CHCHD3: variants seen among roughly 807,000 people sequenced by gnomAD.
CHCHD3 encodes the protein coiled-coil-helix-coiled-coil-helix domain containing 3.
Under a neutral mutation model 38.2 loss-of-function variants are expected in CHCHD3, and 20 were observed. The ratio of observed to expected loss-of-function variants is 0.52; its 90% CI spans 0.37 to 0.76. The LOEUF is 0.76. Ranked by LOEUF, CHCHD3 falls within the 30% of genes least tolerant of loss-of-function variation. The pLI is 0.00. For synonymous variants in CHCHD3, 82 were observed against 100.0 expected, an observed-to-expected ratio of 0.82 and a Z score of 1.07; for missense variants, 245 against 279.2, an observed-to-expected ratio of 0.88 and a Z score of 0.87.
chr7:132,854,337 G>C (rs1329279400), intron 5 of CHCHD3, among the ~76,000 whole-genome samples: 2 of 152,072 alleles, frequency 1.3e-5, no homozygotes, highest in African/African-American at 4.8e-5. Flanking sequence ...ACTTTGGTTT[G>C]TTTTTTCCCC....
In CHCHD3 at chr7:133,035,029, A is replaced by C. The variant is rs1429644221; in HGVS notation, c.170-10402T>G. The stretch of plus-strand genomic sequence containing the variant: ...GCCACAGAGAGTGTGTCCTCATTGG[A>C]GTACTTGCGCTTAAATTCATCCAAC... On this transcript the variant is annotated intron_variant, in intron 2 of 7. Transcript: ENST00000262570. The surrounding 1 kb of genome is among the most constrained non-coding windows in gnomAD (Gnocchi z 4.7). The C allele has an allele frequency of 6.2e-7, 1 of 1,613,076 alleles. No individual in the cohort carries two copies. The highest frequency in any genetic ancestry group is 2.2e-5 in the East Asian group (1 of 44,834).
At chr7:132,844,955 C>T (rs1254318353) in intron 5 of CHCHD3, 1 of 152,208 alleles carries the variant, frequency 6.6e-6, no homozygotes, top group Non-Finnish European at 1.5e-5. Context: ...ACATGGGCAA[C>T]AAACTGTGTG....
intron 5 of CHCHD3, among the ~76,000 whole-genome samples, chr7:132,877,479 A>G (rs1808941773): frequency 6.6e-6 from 1 of 152,168 alleles, no homozygotes; most frequent in African/African-American, 2.4e-5. Flanking sequence ...CTAAGTTATA[A>G]ATGTGTCAAT....
rs534943925 is a variant in CHCHD3 at position 132,895,438 on chromosome 7, C to T, written c.370-9693G>A. 1.4e-3 allele frequency among the ~76,000 whole-genome samples: 206 copies of T among 152,346 alleles called. 7 individuals carry two copies. In the South Asian group the frequency reaches 0.038, roughly 28 times the overall value. Reference sequence around the variant, plus strand: ...ACAAGCAAAATGTCTCCAGACATTGCGAAATGTTGCCTAGGAGGCAAAATC... The same window carrying T: ...ACAAGCAAAATGTCTCCAGACATTGTGAAATGTTGCCTAGGAGGCAAAATC... On this transcript the variant is annotated intron_variant, in intron 4 of 7. Transcript: ENST00000262570.
chr7:132,906,240 G>A (rs927898114), intron 4 of CHCHD3, among the ~76,000 whole-genome samples: 10 of 152,078 alleles, frequency 6.6e-5, no homozygotes, highest in African/African-American at 2.4e-4. Flanking sequence ...TATTTTAAAT[G>A]TTAAATGTTT....
intron 5 of CHCHD3, among the ~76,000 whole-genome samples, chr7:132,865,292 G>A (rs1192760574): frequency 1.3e-5 from 2 of 152,188 alleles, no homozygotes; most frequent in Non-Finnish European, 2.9e-5. Context: ...GAAACCTTCA[G>A]ATAACAAAGG....
At chr7:132,866,255 T>G (rs1808623238) in intron 5 of CHCHD3, among the ~76,000 whole-genome samples, 1 of 152,172 alleles carries the variant, frequency 6.6e-6, no homozygotes, top group Non-Finnish European at 1.5e-5. Flanking sequence ...GTTGTGTGGC[T>G]TAGAGAGTAT....
chr7:132,867,780 TTCAAAAGAAAAAATTTTC>T (rs1372929944), intron 5 of CHCHD3, among the ~76,000 whole-genome samples: 2 of 152,126 alleles, frequency 1.3e-5, no homozygotes, highest in Non-Finnish European at 2.9e-5. Flanking sequence ...GTGGATAAAC[TTCAAAAGAAAAAATTTTC>T]TCAAAAGAAA....
intron 4 of CHCHD3, among the ~76,000 whole-genome samples, chr7:132,944,947 T>C (rs1810860821): frequency 6.6e-6 from 1 of 152,028 alleles, no homozygotes; most frequent in Non-Finnish European, 1.5e-5. Context: ...AGAACTTCTT[T>C]ATTGACTTTA....
chr7:132,932,426 T>C (rs770187448), intron 4 of CHCHD3, among the ~76,000 whole-genome samples: 50 of 152,322 alleles, frequency 3.3e-4, no homozygotes, highest in Non-Finnish European at 5.3e-4. Flanking sequence ...TATTGTTCAC[T>C]TGTCAAACAC....
At chr7:132,953,005 T>C (rs1811067784) in intron 4 of CHCHD3, among the ~76,000 whole-genome samples, 1 of 152,192 alleles carries the variant, frequency 6.6e-6, no homozygotes, top group African/African-American at 2.4e-5. Context: ...ATACCTCACT[T>C]CATTATGCCA....
intron 4 of CHCHD3, among the ~76,000 whole-genome samples, chr7:132,961,763 C>T (rs1811327533): frequency 6.6e-6 from 1 of 152,168 alleles, no homozygotes; most frequent in African/African-American, 2.4e-5. Flanking sequence ...AACTTTGTAC[C>T]CTTTAACCAA....
intron 4 of CHCHD3, chr7:132,973,451 G>A (rs1047812638): frequency 2.0e-6 from 2 of 985,302 alleles, no homozygotes; most frequent in South Asian, 4.7e-5. Context: ...TTAATTTTCA[G>A]TTGAGTTACT....
At chr7:133,062,475 C>G (rs1814544737) in intron 2 of CHCHD3, among the ~76,000 whole-genome samples, 1 of 151,994 alleles carries the variant, frequency 6.6e-6, no homozygotes, top group Non-Finnish European at 1.5e-5. Context: ...ACTGTTTTAT[C>G]TAGTTTTCTT....
At chr7:132,849,553 C>A (rs1808162931) in intron 5 of CHCHD3, 1 of 152,094 alleles carries the variant, frequency 6.6e-6, no homozygotes, top group South Asian at 2.1e-4. Flanking sequence ...CATAGTTAAG[C>A]CAAATTAAGA....
intron 4 of CHCHD3, among the ~76,000 whole-genome samples, chr7:132,919,100 C>CTTTTCTTTTTTT: frequency 1.4e-5 from 1 of 69,494 alleles, no homozygotes; most frequent in Non-Finnish European, 2.5e-5. Flanking sequence ...TGGGTTTATT[C>CTTTTCTTTTTTT]TTTTTTTTTT....
intron 5 of CHCHD3, among the ~76,000 whole-genome samples, 180 bp downstream of exon 5, chr7:132,885,482 T>A (rs984754050): frequency 6.6e-6 from 1 of 152,126 alleles, no homozygotes; most frequent in African/African-American, 2.4e-5. Context: ...CATTCCAAAG[T>A]GACCAAAGAA....
intron 4 of CHCHD3, among the ~76,000 whole-genome samples, chr7:132,900,014 T>C (rs1156598378): frequency 2.0e-5 from 3 of 152,228 alleles, no homozygotes; most frequent in African/African-American, 7.2e-5. Context: ...ATGTGACACC[T>C]GGATGCCAGG....
chr7:132,919,100 C>CTTTTTTT lies in CHCHD3; in HGVS notation c.370-33362_370-33356dup, dbSNP rs5887600. Among the ~76,000 whole-genome samples, 194 of 69,502 alleles carry CTTTTTTT rather than the reference C, an allele frequency of 2.8e-3. 26 individuals carry two copies. Among genetic ancestry groups the CTTTTTTT allele is most frequent in the African/African-American group, 8.5e-3 (145 of 17,124 alleles). The allele number at this position is 69,502 out of a possible 152,430, so 45.6% of individuals were successfully genotyped here. The stretch of plus-strand genomic sequence containing the variant: ...CTAATCCTATATAGTTGGGTTTATT[C>CTTTTTTT]TTTTTTTTTTTTTTTTTTTTTTTTT... On this transcript the variant is annotated intron_variant, in intron 4 of 7. Coordinates refer to ENST00000262570, the MANE Select transcript of CHCHD3 (RefSeq NM_017812.4).
Sources: gnomAD v4.1 joint callset for allele counts (sites outside exome capture counted in the v4.1 genomes callset) on GRCh38, gnomAD v4.1.1 for gene constraint, Gnocchi (gnomAD v3.1) non-coding constraint, MANE v1.5 for transcripts, NCBI Gene and HGNC (gene_info 2026-07-23, HGNC 2026-07-21) for gene names.